PARVA: variants seen among roughly 807,000 people sequenced by gnomAD.
PARVA encodes the protein alpha-parvin.
PARVA carries 25 observed loss-of-function variants against 52.6 expected under a neutral mutation model. The ratio of observed to expected loss-of-function variants is 0.48; its 90% CI spans 0.35 to 0.66. The LOEUF (loss-of-function observed/expected upper bound fraction) is 0.66. Ranked by LOEUF, PARVA falls within the 30% of genes least tolerant of loss-of-function variation. The pLI is 0.01. For missense variants in PARVA, 373 were observed against 450.9 expected, an observed-to-expected ratio of 0.83 and a Z score of 1.56; for synonymous variants, 185 against 179.1, an observed-to-expected ratio of 1.03 and a Z score of -0.26.
intron 1 of PARVA, among the ~76,000 whole-genome samples, chr11:12,450,599 T>A (rs1177711201): frequency 6.6e-6 from 1 of 152,208 alleles, no homozygotes; most frequent in Non-Finnish European, 1.5e-5. Context: ...TTAAGGAGAA[T>A]TGACTCACAC....
chr11:12,520,200 G>A (rs1589990816), intron 12 of PARVA, among the ~76,000 whole-genome samples: 1 of 152,322 alleles, frequency 6.6e-6, no homozygotes, highest in East Asian at 1.9e-4. Context: ...TGATGTGGAT[G>A]GAAAAACACG....
At chr11:12,426,066 A>AC (rs11371539) in intron 1 of PARVA, among the ~76,000 whole-genome samples, 43,647 of 152,076 alleles carry the variant, frequency 0.29, 7,117 homozygotes, top group Non-Finnish European at 0.36. Flanking sequence ...AGCAAAGCAA[A>AC]CATGGTTCAT....
At chr11:12,520,324 C>T (rs1014273197) in intron 12 of PARVA, among the ~76,000 whole-genome samples, 2 of 152,228 alleles carry the variant, frequency 1.3e-5, no homozygotes, top group Admixed American at 1.3e-4. Context: ...TGAATCCCAG[C>T]ATTCCGTCTG....
chr11:12,527,036 CTG>C (rs1485495547), intron 12 of PARVA, among the ~76,000 whole-genome samples: 7 of 152,198 alleles, frequency 4.6e-5, no homozygotes, highest in Non-Finnish European at 1.0e-4. Context: ...CATGCAAGCT[CTG>C]TAACTTGGAA....
intron 1 of PARVA, among the ~76,000 whole-genome samples, chr11:12,415,483 A>T (rs1039762791): frequency 6.6e-5 from 9 of 135,740 alleles, no homozygotes; most frequent in Admixed American, 4.6e-4. Context: ...ATAACCAGGC[A>T]GCACTCCCTG....
chr11:12,446,597 G>C (rs1320914932), intron 1 of PARVA, among the ~76,000 whole-genome samples: 1 of 152,166 alleles, frequency 6.6e-6, no homozygotes, highest in Non-Finnish European at 1.5e-5. Flanking sequence ...TATTAAAACA[G>C]GCTAGGATCA....
intron 1 of PARVA, 38 bp downstream of exon 1, chr11:12,377,821 C>G: frequency 6.9e-7 from 1 of 1,448,282 alleles, no homozygotes; most frequent in Non-Finnish European, 9.1e-7. Context: ...GCGGTAGGAG[C>G]CGGGGGTGCC....
chr11:12,405,079 A>G (rs1225605144), intron 1 of PARVA, among the ~76,000 whole-genome samples: 1 of 152,192 alleles, frequency 6.6e-6, no homozygotes, highest in Non-Finnish European at 1.5e-5. Context: ...AGATAATAAA[A>G]GTCTCTGCCT....
Position 12,477,857 on chromosome 11 carries a change from A to G in PARVA, c.308A>G (p.Asp103Gly). Residue 103 changes from aspartate (D) to glycine (G), a missense_variant, in exon 4 of 13, where the codon GAC becomes GGC. By Grantham distance (94) the Asp-to-Gly change is moderately conservative. Transcript: ENST00000334956. ...TCTCTCTCTCTGTAGGTATTAATTG[A>G]CTGGATTAATGATGTGTTGGTTGGA... is the stretch of plus-strand genomic sequence containing the variant. ...KLQELMKVLI[D>G]WINDVLVGER... The G allele has an allele frequency of 6.4e-7, 1 of 1,572,192 alleles. No homozygotes were observed. The highest frequency in any genetic ancestry group is 8.8e-7 in the Non-Finnish European group (1 of 1,141,888).
At position 12,517,639 on chromosome 11, in the gene PARVA, C is replaced by T; in HGVS notation, c.897C>T (p.Leu299=). 1 of 1,603,592 alleles carries T rather than the reference C, an allele frequency of 6.2e-7. No homozygotes were observed. Among genetic ancestry groups the T allele is most frequent in the Non-Finnish European group, 8.5e-7 (1 of 1,174,904 alleles). ...QFADGVYLVL[L]MGLLEGYFVP... is the part of the protein sequence containing the mutation. ...CAGATGGGGTGTACCTGGTGCTGCT[C>T]ATGGGGCTCCTGGAGGGCTACTTTG... Residue 299 remains leucine (L), a synonymous_variant, in exon 11 of 13, where the codon CTC becomes CTT. Transcript: ENST00000334956.
Position 12,494,178 on chromosome 11 carries a change from A to G in PARVA, c.401-2280A>G, listed in dbSNP as rs577719726. On this transcript the variant is annotated intron_variant, in intron 4 of 12. Transcript: ENST00000334956. ...GCTTCCATGCTTTCTCATGTGCATG[A>G]CCCTCCAGCACCTTTATATATTTAC... Among the ~76,000 whole-genome samples the G allele has an allele frequency of 2.6e-5, 4 of 152,316 alleles. No homozygotes were observed. The East Asian group carries it at 5.8e-4, about 22-fold the overall frequency.
chr11:12,377,519 C>A, upstream of PARVA: 1 of 1,425,028 alleles, frequency 7.0e-7, no homozygotes, highest in Admixed American at 2.6e-5. Flanking sequence ...CGAGCGTGAG[C>A]TGCCTCAAAT....
intron 7 of PARVA, among the ~76,000 whole-genome samples, chr11:12,509,818 A>G (rs1417071792): frequency 1.3e-5 from 2 of 152,158 alleles, no homozygotes; most frequent in Non-Finnish European, 2.9e-5. Context: ...TCTGTGAGGG[A>G]TGGGAGGAGC....
At chr11:12,403,038 ATAT>A (rs1415367685) in intron 1 of PARVA, among the ~76,000 whole-genome samples, 1 of 152,212 alleles carries the variant, frequency 6.6e-6, no homozygotes, top group Non-Finnish European at 1.5e-5. Context: ...ACTAAAGCAC[ATAT>A]TATCAGCCCT....
In PARVA at chr11:12,529,110, A is replaced by G. The variant is rs1941740751; in HGVS notation, c.*1185A>G. ...GGAACTTCTTTTTGCCTTCTAATTG[A>G]TCATTTAGACTATTCTGGCTAAGTC... On this transcript the variant is annotated 3_prime_UTR_variant, in exon 13 of 13. Transcript: ENST00000334956. 1 of 152,126 alleles carries G rather than the reference A, an allele frequency of 6.6e-6. No homozygotes were observed. The highest frequency in any genetic ancestry group is 2.1e-4 in the South Asian group (1 of 4,748). 9.4% of individuals were successfully genotyped at this position (152,126 alleles called of 1,614,324 possible). A position where few individuals can be genotyped will look rare whatever the true frequency, so the allele number is the denominator to read the frequency against.
upstream of PARVA, chr11:12,376,754 C>A: frequency 9.2e-6 from 9 of 981,832 alleles, no homozygotes; most frequent in Non-Finnish European, 1.1e-5. Flanking sequence ...ATAACACGTG[C>A]CTTTTAATCA....
chr11:12,449,852 G>T (rs534597195), intron 1 of PARVA, among the ~76,000 whole-genome samples: 16 of 152,198 alleles, frequency 1.1e-4, no homozygotes, highest in Non-Finnish European at 2.4e-4. Flanking sequence ...TAGTGCCTCT[G>T]TTGAGAAACT....
intron 4 of PARVA, among the ~76,000 whole-genome samples, chr11:12,483,945 C>T (rs975867961): frequency 1.3e-5 from 2 of 152,178 alleles, no homozygotes; most frequent in Non-Finnish European, 2.9e-5. Flanking sequence ...CAAAAAGTCA[C>T]CTCATTTCTT....
intron 3 of PARVA, among the ~76,000 whole-genome samples, chr11:12,475,932 T>C (rs1346253891): frequency 1.3e-5 from 2 of 152,200 alleles, no homozygotes; most frequent in Non-Finnish European, 2.9e-5. Context: ...GATGGAACAG[T>C]TGAGGTGCAG....
Sources: allele counts gnomAD v4.1 joint callset (sites outside exome capture counted in the v4.1 genomes callset), GRCh38; gene constraint gnomAD v4.1.1; transcripts MANE v1.5; gene names NCBI Gene and HGNC (gene_info 2026-07-23, HGNC 2026-07-21).